Variants in RFT1 observed in about 807,000 individuals in gnomAD.
The protein encoded by RFT1 is man(5)GlcNAc(2)-PP-dolichol translocation protein RFT1.
In RFT1, 43 loss-of-function variants were observed where a neutral mutation model predicts 62.2. The ratio of observed to expected loss-of-function variants is 0.69; its 90% confidence interval spans 0.54 to 0.89. The LOEUF (loss-of-function observed/expected upper bound fraction) is 0.89, where lower values mean the gene tolerates loss of function less well. RFT1 is among the 40% of genes least tolerant of loss of function. The pLI is 0.00. For synonymous variants in RFT1, 262 were observed against 264.6 expected (o/e 0.99, Z 0.10); for missense variants, 605 against 649.9 (o/e 0.93, Z 0.75).
intron 7 of RFT1, among the ~76,000 whole-genome samples, chr3:53,110,437 TC>T (rs1318671918): frequency 1.3e-5 from 2 of 152,158 alleles, no homozygotes; most frequent in Non-Finnish European, 2.9e-5. Flanking sequence ...TTCACTCAGC[TC>T]TTCTGAGGCT....
intron 7 of RFT1, among the ~76,000 whole-genome samples, chr3:53,107,659 C>G (rs977251090): frequency 6.6e-6 from 1 of 150,742 alleles, no homozygotes; most frequent in Non-Finnish European, 1.5e-5. Flanking sequence ...CATGAACTCA[C>G]GTCTGAGTTC....
intron 11 of RFT1, among the ~76,000 whole-genome samples, chr3:53,095,192 T>C (rs1053815138): frequency 6.6e-6 from 1 of 151,282 alleles, no homozygotes; most frequent in African/African-American, 2.4e-5. Flanking sequence ...GAACCCGGGA[T>C]GCGGGGGTTG....
chr3:53,095,276 A>G (rs1701109920), intron 11 of RFT1, among the ~76,000 whole-genome samples: 1 of 152,142 alleles, frequency 6.6e-6, no homozygotes, highest in Non-Finnish European at 1.5e-5. Context: ...AAAAAAAATC[A>G]CTTTTTAAAA....
Position 53,102,839 on chromosome 3 carries a change from T to C in RFT1, c.1102+1114A>G, listed in dbSNP as rs146949237. Among the ~76,000 whole-genome samples the C allele has an allele frequency of 1.5e-3, 222 of 152,328 alleles. 3 individuals are homozygous for C. In the East Asian group the frequency reaches 0.041, roughly 28 times the overall value. On this transcript the variant is annotated intron_variant, in intron 10 of 12. Transcript: ENST00000296292. Reference sequence around the variant, plus strand: ...ATGATGGGCTGAGTCATGATAATGATGGGACAGCCCCCTCCTTGAGGCAAC... The same window carrying C: ...ATGATGGGCTGAGTCATGATAATGACGGGACAGCCCCCTCCTTGAGGCAAC...
At chr3:53,126,491 A>G (rs1440323456) in intron 1 of RFT1, among the ~76,000 whole-genome samples, 1 of 152,250 alleles carries the variant, frequency 6.6e-6, no homozygotes, top group Non-Finnish European at 1.5e-5. Context: ...AGGAATTTCA[A>G]TAATGACATT....
the RFT1 span, among the ~76,000 whole-genome samples, chr3:53,079,837 A>G: frequency 6.6e-6 from 1 of 151,994 alleles, no homozygotes; most frequent in African/African-American, 2.4e-5. Context: ...AACAAAGCAA[A>G]TCAGTGTTTG....
the RFT1 span, among the ~76,000 whole-genome samples, chr3:53,082,914 G>A: frequency 9.9e-5 from 15 of 152,264 alleles, no homozygotes; most frequent in African/African-American, 3.4e-4. Context: ...ACAGACACAG[G>A]GCCGGGCATG....
At chr3:53,113,156 C>T (rs1167286753) in intron 6 of RFT1, among the ~76,000 whole-genome samples, 1 of 152,138 alleles carries the variant, frequency 6.6e-6, no homozygotes, top group Non-Finnish European at 1.5e-5. Context: ...GCCGGGACTA[C>T]AGGTGTGTGC....
chr3:53,087,918 C>G (rs1048005270), downstream of RFT1, among the ~76,000 whole-genome samples: 1 of 152,186 alleles, frequency 6.6e-6, no homozygotes, highest in African/African-American at 2.4e-5. Flanking sequence ...AATGAGTCAC[C>G]GAGTTCTCTG....
chr3:53,086,274 T>C (rs917467320), downstream of RFT1, among the ~76,000 whole-genome samples: 1 of 152,118 alleles, frequency 6.6e-6, no homozygotes, highest in African/African-American at 2.4e-5. Context: ...ATTCAGTAAA[T>C]AAATTTTAGA....
the RFT1 span, among the ~76,000 whole-genome samples, chr3:53,076,490 G>A: frequency 9.2e-5 from 14 of 152,230 alleles, no homozygotes; most frequent in Non-Finnish European, 1.9e-4. Flanking sequence ...AATCATAGCA[G>A]AAAGGAAATA....
At position 53,092,068 on chromosome 3, in the gene RFT1, T is replaced by C; in HGVS notation, c.1461A>G (p.Val487=). ...GCCAGCCCTGCTCACAGCAGAGGAA[T>C]ACCTGGGGAAAGAAACCATTGTCAG... ...LSGGVTAVSE[V]FLCCEQGWPA... Residue 487 remains valine (V), a splice_region_variant and synonymous_variant, in exon 13 of 13, where the codon GTA becomes GTG. Transcript: ENST00000296292. 6.2e-7 allele frequency: 1 copy of C among 1,614,238 alleles called. No homozygotes were observed. The highest frequency in any genetic ancestry group is 8.5e-7 in the Non-Finnish European group (1 of 1,180,032).
chr3:53,129,811 T>C (rs768007555), intron 1 of RFT1, among the ~76,000 whole-genome samples: 1 of 152,206 alleles, frequency 6.6e-6, no homozygotes, highest in Non-Finnish European at 1.5e-5. Context: ...ATGAGCTAAG[T>C]ACGACATATT....
rs1701401860 is a variant in RFT1, at chr3:53,104,248, T to C, written c.958-151A>G. The C allele has an allele frequency of 1.7e-5, 13 of 787,166 alleles. No homozygotes were observed. The South Asian group carries it at 2.2e-4, about 13-fold the overall frequency. 48.8% of individuals were successfully genotyped at this position (787,166 alleles called of 1,614,324 possible). Reference sequence around the variant, plus strand: ...ACTATTTTTTTGTAGTGTGTTTGTTTTCACGTCAGTTAGCAAATGAAGGAA... The same window carrying C: ...ACTATTTTTTTGTAGTGTGTTTGTTCTCACGTCAGTTAGCAAATGAAGGAA... On this transcript the variant is annotated intron_variant, in intron 9 of 12. Transcript: ENST00000296292.
At chr3:53,120,067 T>C (rs1230104057) in intron 5 of RFT1, 46 bp from the exon 6 acceptor site, 2 of 1,522,882 alleles carry the variant, frequency 1.3e-6, no homozygotes, top group Non-Finnish European at 1.8e-6. Context: ...AATTAAGATA[T>C]GCCTATAAAT....
intron 3 of RFT1, 149 bp downstream of exon 3, chr3:53,123,575 T>A: frequency 1.4e-6 from 1 of 689,722 alleles, no homozygotes. Context: ...ACAAACACTG[T>A]CCCCGTCTTG....
At chr3:53,115,963 T>G (rs1200770745) in intron 6 of RFT1, among the ~76,000 whole-genome samples, 3 of 152,270 alleles carry the variant, frequency 2.0e-5, no homozygotes, top group Non-Finnish European at 4.4e-5. Flanking sequence ...ACATGCTTGC[T>G]GAGTCAAATT....
intron 6 of RFT1, among the ~76,000 whole-genome samples, chr3:53,118,931 G>A (rs919301936): frequency 1.3e-5 from 2 of 152,144 alleles, no homozygotes; most frequent in African/African-American, 4.8e-5. Context: ...AGGAGACCAC[G>A]TGAGGCCGGG....
the RFT1 span, among the ~76,000 whole-genome samples, chr3:53,073,145 G>C: frequency 6.6e-6 from 1 of 152,208 alleles, no homozygotes; most frequent in African/African-American, 2.4e-5. Context: ...CAGGTCGAGG[G>C]CACCTGTGGG....
Sources: gnomAD v4.1 joint callset for allele counts (sites outside exome capture counted in the v4.1 genomes callset) on GRCh38, gnomAD v4.1.1 for gene constraint, MANE v1.5 for transcripts, NCBI Gene and HGNC (gene_info 2026-07-23, HGNC 2026-07-21) for gene names.